Variants in DSCAM observed in about 807,000 individuals in gnomAD.
DSCAM encodes DS cell adhesion molecule, also known as cell adhesion molecule DSCAM.
DSCAM carries 47 observed loss-of-function variants against 217.7 expected under a neutral mutation model. The observed-to-expected ratio is 0.22, with a 90% confidence interval of 0.17 to 0.28. DSCAM has a LOEUF of 0.28. Among genes scored for constraint, DSCAM ranks in the 10% least tolerant of loss-of-function variants. The probability of loss-of-function intolerance (pLI) is 1.00; values close to 1 mark genes in which losing one functional copy is unlikely to be tolerated. For missense variants in DSCAM, 2,080 were observed against 2,618.3 expected (o/e 0.79, Z 4.49); for synonymous variants, 1,056 against 1,015.3 (o/e 1.04, Z -0.76).
chr21:40,469,207 T>C (rs9983133), intron 3 of DSCAM, among the ~76,000 whole-genome samples: 28,578 of 152,158 alleles, frequency 0.19, 2,836 homozygotes, highest in South Asian at 0.23. Context: ...ATTTCTAAGA[T>C]AAAAATTACT....
chr21:40,756,356 G>A (rs1453961548), intron 1 of DSCAM, among the ~76,000 whole-genome samples: 1 of 152,090 alleles, frequency 6.6e-6, no homozygotes, highest in Admixed American at 6.5e-5. Flanking sequence ...ACAGAACAGT[G>A]AGCCAATTAA....
In DSCAM at chr21:40,428,310, G is replaced by A. The variant is rs947653799; in HGVS notation, c.509-59065C>T. 4.7e-5 allele frequency among the ~76,000 whole-genome samples: 7 copies of A among 150,232 alleles called. No homozygotes were observed. The Admixed American group carries it at 4.7e-4, about 10-fold the overall frequency. On this transcript the variant is annotated intron_variant, in intron 3 of 32. Coordinates refer to ENST00000400454, the MANE Select transcript of DSCAM (RefSeq NM_001389.5). ...TGTGTGATGGAGTTTTGCTCTTGGT[G>A]TCCAGGCTGGAGGGCAATGGTGCAA...
chr21:40,580,207 G>A (rs1290143666), intron 3 of DSCAM, among the ~76,000 whole-genome samples: 8 of 151,370 alleles, frequency 5.3e-5, no homozygotes, highest in Admixed American at 5.3e-4. Context: ...TCAGCCTCTC[G>A]AGTAGCTGGG....
intron 16 of DSCAM, among the ~76,000 whole-genome samples, chr21:40,145,999 T>C (rs1487390288): frequency 1.4e-5 from 2 of 146,910 alleles, no homozygotes; most frequent in Non-Finnish European, 3.0e-5. Flanking sequence ...TACATGTACA[T>C]ATGTATGTAT....
chr21:40,507,906 A>C (rs2076222426), intron 3 of DSCAM, among the ~76,000 whole-genome samples: 1 of 152,166 alleles, frequency 6.6e-6, no homozygotes, highest in Non-Finnish European at 1.5e-5. Context: ...CCACTCCTGC[A>C]TACAGACCCT....
chr21:40,499,178 A>G (rs985548057), intron 3 of DSCAM, among the ~76,000 whole-genome samples: 3 of 152,176 alleles, frequency 2.0e-5, no homozygotes, highest in Non-Finnish European at 2.9e-5. Flanking sequence ...TGCAGACTAT[A>G]AAAGATTGAA....
chr21:40,656,210 C>T (rs1485647901), intron 3 of DSCAM, among the ~76,000 whole-genome samples: 1 of 152,176 alleles, frequency 6.6e-6, no homozygotes, highest in African/African-American at 2.4e-5. Flanking sequence ...ACCAGAGCAA[C>T]TCTTATTTCA....
intron 11 of DSCAM, among the ~76,000 whole-genome samples, chr21:40,254,050 T>A (rs1255371495): frequency 6.6e-6 from 1 of 152,218 alleles, no homozygotes; most frequent in Non-Finnish European, 1.5e-5. Flanking sequence ...ACTCATGGGA[T>A]CTGATACGAA....
At chr21:40,407,306 A>G (rs2075287628) in intron 3 of DSCAM, among the ~76,000 whole-genome samples, 1 of 152,232 alleles carries the variant, frequency 6.6e-6, no homozygotes. Flanking sequence ...CACTAAAACT[A>G]AATTTTAAAA....
chr21:40,060,660 C>T (rs1343229104), intron 28 of DSCAM, among the ~76,000 whole-genome samples: 3 of 152,182 alleles, frequency 2.0e-5, no homozygotes, highest in Admixed American at 6.5e-5. Context: ...TTATCACCTC[C>T]GCGGTGCTAG....
chr21:40,477,929 C>A (rs2075951090), intron 3 of DSCAM, among the ~76,000 whole-genome samples: 1 of 152,036 alleles, frequency 6.6e-6, no homozygotes, highest in South Asian at 2.1e-4. Flanking sequence ...CCAACTGATC[C>A]CACCCATGCA....
intron 3 of DSCAM, among the ~76,000 whole-genome samples, chr21:40,419,922 T>C (rs1308288441): frequency 6.6e-6 from 1 of 152,032 alleles, no homozygotes; most frequent in East Asian, 1.9e-4. Context: ...TTTACACCTA[T>C]AAAAAAGTTT....
intron 1 of DSCAM, among the ~76,000 whole-genome samples, chr21:40,822,750 T>A (rs970269559): frequency 6.6e-6 from 1 of 152,212 alleles, no homozygotes; most frequent in African/African-American, 2.4e-5. Context: ...GTATATACAA[T>A]ATGTAAACCC....
chr21:40,677,530 A>G (rs928621371), intron 3 of DSCAM, among the ~76,000 whole-genome samples: 4 of 152,274 alleles, frequency 2.6e-5, no homozygotes, highest in South Asian at 2.1e-4. Flanking sequence ...TTACTTACTC[A>G]ACATGTCCAT....
intron 3 of DSCAM, among the ~76,000 whole-genome samples, chr21:40,521,807 T>A (rs1008099681): frequency 3.3e-5 from 5 of 152,060 alleles, no homozygotes; most frequent in African/African-American, 1.2e-4. Flanking sequence ...GCAACTACAG[T>A]CAACAACAAG....
In DSCAM at chr21:40,826,173, A is replaced by G. The variant is rs138952939; in HGVS notation, c.43+20446T>C. Among the ~76,000 whole-genome samples, 231 of 152,384 alleles carry G rather than the reference A, an allele frequency of 1.5e-3. No homozygotes were observed. The Middle Eastern group carries it at 0.017, about 11-fold the overall frequency. Reference sequence around the variant, plus strand: ...ACAATCAAGGAGGCCACTTTGTTTTAGATCAGGTGGTCAGGGAGACCTCTC... The same window carrying G: ...ACAATCAAGGAGGCCACTTTGTTTTGGATCAGGTGGTCAGGGAGACCTCTC... On this transcript the variant is annotated intron_variant, in intron 1 of 32. Transcript: ENST00000400454.
chr21:40,381,074 A>AACAAAAAAAAAAAAAAC (rs2075018527), intron 3 of DSCAM, among the ~76,000 whole-genome samples: 1 of 147,040 alleles, frequency 6.8e-6, no homozygotes, highest in Non-Finnish European at 1.5e-5. Context: ...AAAAAAAAAA[A>AACAAAAAAAAAAAAAAC]AAAAAAAAAA....
intron 3 of DSCAM, among the ~76,000 whole-genome samples, chr21:40,586,563 C>T (rs1243338507): frequency 6.6e-6 from 1 of 152,188 alleles, no homozygotes; most frequent in Non-Finnish European, 1.5e-5. Flanking sequence ...TGTTAAAGTT[C>T]AATTCCGATT....
chr21:40,653,775 A>G (rs1458483475), intron 3 of DSCAM, among the ~76,000 whole-genome samples: 1 of 152,188 alleles, frequency 6.6e-6, no homozygotes, highest in Admixed American at 6.5e-5. Context: ...TACAACTTCA[A>G]TTCTAACCAT....
Sources: gnomAD v4.1 joint callset for allele counts (sites outside exome capture counted in the v4.1 genomes callset) on GRCh38, gnomAD v4.1.1 for gene constraint, MANE v1.5 for transcripts, NCBI Gene and HGNC (gene_info 2026-07-23, HGNC 2026-07-21) for gene names.